The following PIN4 variants were observed in gnomAD, a reference collection of about 807,000 sequenced individuals.
The protein encoded by PIN4 is peptidyl-prolyl cis-trans isomerase NIMA-interacting 4.
A neutral mutation model predicts 8.3 loss-of-function variants in PIN4; 3 were observed. That is an observed-to-expected ratio of 0.36 (90% CI 0.16 to 0.93). The LOEUF is 0.93. Ranked by LOEUF, PIN4 falls within the 40% of genes least tolerant of loss-of-function variation. PIN4 has a pLI of 0.44. For synonymous variants in PIN4, 18 were observed against 32.5 expected, an observed-to-expected ratio of 0.55 and a Z score of 1.52; for missense variants, 75 against 100.6, an observed-to-expected ratio of 0.75 and a Z score of 1.09.
intron 3 of PIN4, chrX:72,206,096 G>A (rs750959799): frequency 6.6e-6 from 8 of 1,209,358 alleles, no homozygotes; most frequent in East Asian, 5.9e-5. Context: ...TTGCAATGAC[G>A]TAAAATCTCA....
chrX:72,187,404 ACTTTGAT>A (rs1297335624), intron 2 of PIN4, among the ~76,000 whole-genome samples: 1 of 112,322 alleles, frequency 8.9e-6, no homozygotes, highest in Non-Finnish European at 1.9e-5. Flanking sequence ...GGGAGGCTGT[ACTTTGAT>A]TCATTCATTC....
chrX:72,227,633 C>A (rs2042960977), intron 3 of PIN4, among the ~76,000 whole-genome samples: 1 of 111,219 alleles, frequency 9.0e-6, no homozygotes, highest in African/African-American at 3.3e-5. Context: ...CTGACAAATA[C>A]CTGCCACAAC....
intron 3 of PIN4, among the ~76,000 whole-genome samples, chrX:72,230,100 G>A (rs934619409): frequency 6.4e-5 from 7 of 109,723 alleles, no homozygotes; most frequent in Admixed American, 9.8e-5. Flanking sequence ...GCATGAACCC[G>A]GGAGGAGGAG....
chrX:72,254,200 T>G (rs2043099565), intron 3 of PIN4, among the ~76,000 whole-genome samples: 1 of 111,637 alleles, frequency 9.0e-6, no homozygotes, highest in African/African-American at 3.3e-5. Flanking sequence ...TGGCCTTCTT[T>G]CTGTTCTTTG....
intron 2 of PIN4, among the ~76,000 whole-genome samples, chrX:72,195,799 G>A (rs2042761837): frequency 1.8e-5 from 2 of 111,470 alleles, no homozygotes; most frequent in Admixed American, 1.9e-4. Flanking sequence ...ATGTACAAAT[G>A]GAGAAACACT....
chrX:72,243,699 G>C, intron 3 of PIN4, among the ~76,000 whole-genome samples: 1 of 112,350 alleles, frequency 8.9e-6, no homozygotes, highest in Non-Finnish European at 1.9e-5. Flanking sequence ...ATGAGGCTTT[G>C]TGGGAGGGTT....
downstream of PIN4, among the ~76,000 whole-genome samples, chrX:72,199,593 T>C (rs1432981219): frequency 8.9e-6 from 1 of 112,224 alleles, no homozygotes; most frequent in Non-Finnish European, 1.9e-5. Flanking sequence ...CAGTAAATTC[T>C]GAAGAGCTGT....
At chrX:72,182,902 A>G (rs1017916726) in intron 1 of PIN4, among the ~76,000 whole-genome samples, 26 of 111,997 alleles carry the variant, frequency 2.3e-4, no homozygotes, top group Admixed American at 2.2e-3. Context: ...AGACGAGATC[A>G]TGGAGAGTGC....
intron 3 of PIN4, among the ~76,000 whole-genome samples, chrX:72,228,836 T>C (rs1014613168): frequency 3.6e-5 from 4 of 111,237 alleles, no homozygotes; most frequent in African/African-American, 1.3e-4. Context: ...CTATAAACCT[T>C]ACACAATCCC....
chrX:72,235,613 G>A (rs188344284), intron 3 of PIN4, among the ~76,000 whole-genome samples: 14 of 110,576 alleles, frequency 1.3e-4, no homozygotes, highest in Non-Finnish European at 1.7e-4. Context: ...GGCTGGTCTC[G>A]AACTCCTGAC....
In PIN4 at chrX:72,213,581, A is replaced by C. The variant is rs141552033; in HGVS notation, c.312+16677A>C. On this transcript the variant is annotated intron_variant, in intron 3 of 3. Coordinates refer to the PIN4 transcript ENST00000423432. ...TGCCACCGTTGCAGACCCATCGCTG[A>C]CTTCCACCCCTCCAGATATGGCAGG... Among the ~76,000 whole-genome samples the C allele has an allele frequency of 3.7e-3, 409 of 111,862 alleles. 2 individuals are homozygous for C. Among genetic ancestry groups the C allele is most frequent in the African/African-American group, 0.013 (392 of 30,857 alleles).
chrX:72,220,985 T>C (rs1359773029), intron 3 of PIN4, among the ~76,000 whole-genome samples: 1 of 111,906 alleles, frequency 8.9e-6, no homozygotes, highest in Non-Finnish European at 1.9e-5. Flanking sequence ...TCCTGGATCC[T>C]GAGGGTCTCT....
At position 72,197,866 on chromosome X, in the gene PIN4, C is replaced by G; in HGVS notation, c.*340C>G. ...AACCATCTTCAGGGGAAGCAGATAT[C>G]AACTCACACTATTCACACAACTGAA... On this transcript the variant is annotated 3_prime_UTR_variant, in exon 4 of 4. Transcript: ENST00000373669. 1.3e-6 allele frequency: 1 copy of G among 767,514 alleles called. No individual in the cohort carries two copies. Among genetic ancestry groups the G allele is most frequent in the Non-Finnish European group, 1.5e-6 (1 of 645,531 alleles). The allele number at this position is 767,514 out of a possible 1,213,427, so 63.3% of individuals were successfully genotyped here. A position where few individuals can be genotyped will look rare whatever the true frequency, so the allele number is the denominator to read the frequency against.
chrX:72,210,191 C>G (rs1365080663), intron 3 of PIN4, among the ~76,000 whole-genome samples: 1 of 42,253 alleles, frequency 2.4e-5, no homozygotes, highest in Non-Finnish European at 3.4e-5. Flanking sequence ...CATAGCGAGA[C>G]TGTCTCTTAA....
intron 3 of PIN4, among the ~76,000 whole-genome samples, chrX:72,255,164 A>G (rs1162585798): frequency 1.8e-5 from 2 of 109,069 alleles, no homozygotes; most frequent in Non-Finnish European, 3.8e-5. Context: ...AGTCGTGGTA[A>G]TAATAGTCCA....
chrX:72,207,622 C>T, intron 3 of PIN4: 1 of 1,210,577 alleles, frequency 8.3e-7, no homozygotes, highest in Non-Finnish European at 1.1e-6. Flanking sequence ...CACAAATTTC[C>T]TGTATATTTC....
chrX:72,208,074 A>G, intron 3 of PIN4: 6 of 1,211,415 alleles, frequency 5.0e-6, no homozygotes, highest in Non-Finnish European at 6.7e-6. Flanking sequence ...TTTTTATTTT[A>G]TGTGCTTCAT....
intron 3 of PIN4, among the ~76,000 whole-genome samples, chrX:72,257,201 A>G (rs1316883479): frequency 9.0e-6 from 1 of 111,687 alleles, no homozygotes; most frequent in Non-Finnish European, 1.9e-5. Context: ...TGTGCCTGTA[A>G]TCCCAGCTAC....
chrX:72,190,474 A>G (rs1334118510), intron 2 of PIN4, among the ~76,000 whole-genome samples: 1 of 110,312 alleles, frequency 9.1e-6, no homozygotes, highest in African/African-American at 3.4e-5. Flanking sequence ...GAAAGGAAGG[A>G]AAAGAAAAGA....
Sources: allele counts gnomAD v4.1 joint callset (sites outside exome capture counted in the v4.1 genomes callset), GRCh38; gene constraint gnomAD v4.1.1; transcripts MANE v1.5; gene names NCBI Gene and HGNC (gene_info 2026-07-23, HGNC 2026-07-21).